Variants in DDI2 observed in about 807,000 individuals in gnomAD.
DDI2 encodes the protein protein DDI1 homolog 2.
DDI2 carries 5 observed loss-of-function variants against 48.1 expected under a neutral mutation model. The ratio of observed to expected loss-of-function variants is 0.10; its 90% CI spans 0.05 to 0.22. The LOEUF is 0.22. DDI2 is among the 10% of genes least tolerant of loss of function. The pLI is 1.00. For synonymous variants in DDI2, 205 were observed against 183.6 expected, an observed-to-expected ratio of 1.12 and a Z score of -0.94; for missense variants, 285 against 506.2, an observed-to-expected ratio of 0.56 and a Z score of 4.19.
intron 6 of DDI2, among the ~76,000 whole-genome samples, chr1:15,644,872 C>T (rs1014472662): frequency 2.4e-4 from 37 of 151,506 alleles, no homozygotes; most frequent in African/African-American, 8.0e-4. Context: ...GGATTACAGG[C>T]GTGAGCCACC....
In DDI2 at chr1:15,630,183, A is replaced by G. The variant is rs796094882; in HGVS notation, c.269-142A>G. ...GCCGGCAGTCTTTATATTCAGAGTC[A>G]TCATGAGAAAGAACAAGGTTAAAGT... On this transcript the variant is annotated intron_variant, in intron 2 of 9. Transcript: ENST00000480945. 6 of 761,250 alleles carry G rather than the reference A, an allele frequency of 7.9e-6. No individual in the cohort carries two copies. In the African/African-American group the frequency reaches 1.0e-4, roughly 13 times the overall value. 47.2% of individuals were successfully genotyped at this position (761,250 alleles called of 1,614,324 possible).
Position 15,651,912 on chromosome 1 carries a change from A to G in DDI2, c.1183+17A>G, listed in dbSNP as rs182712855. 9.3e-6 allele frequency: 15 copies of G among 1,610,734 alleles called. No individual in the cohort carries two copies. The African/African-American group carries it at 9.4e-5, about 10-fold the overall frequency. On this transcript the variant is annotated intron_variant, in intron 8 of 9. Transcript: ENST00000480945. ...AGGATGCAGGTATTTGGGATGGCCAAACTCTTCAATACTTGTTATTGATGG... is the reference window on the plus strand; with the variant it reads ...AGGATGCAGGTATTTGGGATGGCCAGACTCTTCAATACTTGTTATTGATGG...
Position 15,617,616 on chromosome 1 carries a change from TGCGCCCC to T in DDI2, c.-48_-42del. ...CAGGCCACGCCGCCGCCTCTTCCCC[TGCGCCCC>T]GCGCCCAGGCCGGGCCGAGCCGAGC... On this transcript the variant is annotated 5_prime_UTR_variant, in exon 1 of 10. Coordinates refer to ENST00000480945, the MANE Select transcript of DDI2 (RefSeq NM_032341.5). 7.8e-7 allele frequency: 1 copy of T among 1,283,956 alleles called. No individual in the cohort carries two copies. The highest frequency in any genetic ancestry group is 9.9e-7 in the Non-Finnish European group (1 of 1,008,942). 79.5% of individuals were successfully genotyped at this position (1,283,956 alleles called of 1,614,324 possible). A position where few individuals can be genotyped will look rare whatever the true frequency, so the allele number is the denominator to read the frequency against.
At chr1:15,622,198 C>CTTTTTTTTTTTT (rs923707351) in intron 1 of DDI2, among the ~76,000 whole-genome samples, 1 of 131,242 alleles carries the variant, frequency 7.6e-6, no homozygotes. Context: ...GTAGCTGCGA[C>CTTTTTTTTTTTT]TTTTTTTTTT....
chr1:15,660,184 G>A lies in DDI2; in HGVS notation c.*394G>A, dbSNP rs1399153437. On this transcript the variant is annotated 3_prime_UTR_variant, in exon 10 of 10. Coordinates refer to ENST00000480945, the MANE Select transcript of DDI2 (RefSeq NM_032341.5). ...GCAGAATTCATCCGAAGAAATAACT[G>A]TTGCAGGTAATCTGGAGAAATCTGC... is the stretch of plus-strand genomic sequence containing the variant. The A allele has an allele frequency of 8.1e-6, 13 of 1,614,096 alleles. No homozygotes were observed. The highest frequency in any genetic ancestry group is 1.1e-5 in the South Asian group (1 of 91,086).
intron 3 of DDI2, among the ~76,000 whole-genome samples, chr1:15,631,626 G>A (rs1002640791): frequency 1.3e-5 from 2 of 152,112 alleles, no homozygotes; most frequent in Non-Finnish European, 2.9e-5. Context: ...ACAAACTCCT[G>A]TAACCCCAAT....
At position 15,667,996 on chromosome 1, in the gene DDI2, T is replaced by C. The variant is rs959891472; in HGVS notation, c.*8206T>C. The stretch of plus-strand genomic sequence containing the variant: ...AAAATGTTAAGCCAACTATGGAAGA[T>C]TGGGGTCGTGGGGGCATGAAATACA... On this transcript the variant is annotated 3_prime_UTR_variant, in exon 10 of 10. Transcript: ENST00000480945. 6 of 152,062 alleles carry C rather than the reference T, an allele frequency of 3.9e-5. No individual in the cohort carries two copies. Among genetic ancestry groups the C allele is most frequent in the African/African-American group, 7.2e-5 (3 of 41,394 alleles). The allele number at this position is 152,062 out of a possible 1,614,324, so 9.4% of individuals were successfully genotyped here.
chr1:15,640,786 G>T (rs1639994959), intron 5 of DDI2, among the ~76,000 whole-genome samples: 1 of 152,136 alleles, frequency 6.6e-6, no homozygotes, highest in African/African-American at 2.4e-5. Context: ...CAAATGCCAA[G>T]AACTTTTATT....
At chr1:15,658,771 TCTTACA>T (rs1157735165) in intron 9 of DDI2, among the ~76,000 whole-genome samples, 1 of 142,088 alleles carries the variant, frequency 7.0e-6, no homozygotes, top group African/African-American at 2.7e-5. Context: ...AAAAAAAAAT[TCTTACA>T]CTTACATGCG....
rs759086588 is a variant in DDI2, at chr1:15,649,712, C to CTT, written c.890-4_890-3dup. The CTT allele has an allele frequency of 2.5e-6, 4 of 1,606,770 alleles. No individual in the cohort carries two copies. The South Asian group carries it at 4.5e-5, about 18-fold the overall frequency. On this transcript the variant is annotated splice_region_variant and splice_polypyrimidine_tract_variant and intron_variant, in intron 6 of 9. Transcript: ENST00000480945. ...AACAATAACCTTTTCTCTTCATGTGCTTTTTAGCTCAGGTTCAGATTGAAG... is the reference window on the plus strand; with the variant it reads ...AACAATAACCTTTTCTCTTCATGTGCTTTTTTTAGCTCAGGTTCAGATTGAAG...
chr1:15,646,469 C>T (rs1640093443), intron 6 of DDI2, among the ~76,000 whole-genome samples: 1 of 152,062 alleles, frequency 6.6e-6, no homozygotes, highest in Admixed American at 6.6e-5. Context: ...GGTGGATCAC[C>T]TGAGGTCAGG....
Position 15,633,579 on chromosome 1 carries a change from C to A in DDI2, c.632+14C>A. On this transcript the variant is annotated intron_variant, in intron 4 of 9. Transcript: ENST00000480945. The stretch of plus-strand genomic sequence containing the variant: ...AGAAGATATAAGGTAAAGACCTGTT[C>A]ATCTAAAGAACAAAACTTAGAGACT... 2 of 1,608,522 alleles carry A rather than the reference C, an allele frequency of 1.2e-6. No homozygotes were observed. The highest frequency in any genetic ancestry group is 1.1e-5 in the South Asian group (1 of 90,266).
Position 15,660,693 on chromosome 1 carries a change from T to G in DDI2, c.*903T>G, listed in dbSNP as rs750034533. On this transcript the variant is annotated 3_prime_UTR_variant, in exon 10 of 10. Coordinates refer to ENST00000480945, the MANE Select transcript of DDI2 (RefSeq NM_032341.5). ...GGCAGAATGCCAATGTCAAGAACAT[T>G]GGTGCATTGGATCTCACTTTAGATA... 28 of 1,614,094 alleles carry G rather than the reference T, an allele frequency of 1.7e-5. No homozygotes were observed. The Admixed American group carries it at 4.2e-4, about 24-fold the overall frequency.
At chr1:15,653,157 G>C (rs2103479064) in intron 8 of DDI2, among the ~76,000 whole-genome samples, 1 of 152,024 alleles carries the variant, frequency 6.6e-6, no homozygotes, top group East Asian at 1.9e-4. Context: ...GGATGTTTTT[G>C]TTTTTGTGAT....
chr1:15,644,739 G>A (rs541643401), intron 6 of DDI2, among the ~76,000 whole-genome samples: 100 of 150,394 alleles, frequency 6.6e-4, no homozygotes, highest in African/African-American at 2.4e-3. Context: ...GACTACAGGC[G>A]CCCGCCACCG....
At chr1:15,623,314 G>A (rs1043182694) in intron 1 of DDI2, among the ~76,000 whole-genome samples, 4 of 151,752 alleles carry the variant, frequency 2.6e-5, no homozygotes, top group African/African-American at 7.3e-5. Context: ...GGTTATGTTC[G>A]GGAAAGCTGT....
chr1:15,623,657 C>T (rs986387346), intron 1 of DDI2, among the ~76,000 whole-genome samples: 1 of 151,976 alleles, frequency 6.6e-6, no homozygotes, highest in Non-Finnish European at 1.5e-5. Context: ...CCTACCTCAT[C>T]CTCCCAAAGT....
chr1:15,623,783 G>A (rs181426242), intron 1 of DDI2, among the ~76,000 whole-genome samples: 91 of 152,064 alleles, frequency 6.0e-4, no homozygotes, highest in African/African-American at 1.9e-3. Context: ...GTTAGTGGCC[G>A]GGCGCAGTGA....
intron 1 of DDI2, among the ~76,000 whole-genome samples, chr1:15,623,387 CTTTTTT>C (rs777821777): frequency 8.4e-4 from 90 of 107,490 alleles, no homozygotes; most frequent in African/African-American, 3.3e-3. Flanking sequence ...TTTTCTTCTT[CTTTTTT>C]TTTTTTTTTT....
Sources: gnomAD v4.1 joint callset for allele counts (sites outside exome capture counted in the v4.1 genomes callset) on GRCh38, gnomAD v4.1.1 for gene constraint, MANE v1.5 for transcripts, NCBI Gene and HGNC (gene_info 2026-07-23, HGNC 2026-07-21) for gene names.